The following DIXDC1 variants were observed in gnomAD, a reference collection of about 807,000 sequenced individuals.
DIXDC1 encodes the protein DIX domain containing 1, also known as dixin.
Under a neutral mutation model 103.1 loss-of-function variants are expected in DIXDC1, and 64 were observed. The ratio of observed to expected loss-of-function variants is 0.62; its 90% CI spans 0.51 to 0.76. DIXDC1 has a LOEUF of 0.76. Among genes scored for constraint, DIXDC1 ranks in the 30% least tolerant of loss-of-function variants. The probability of loss-of-function intolerance (pLI) is 0.00; values close to 1 mark genes in which losing one functional copy is unlikely to be tolerated. For synonymous variants in DIXDC1, 266 were observed against 298.5 expected, an observed-to-expected ratio of 0.89 and a Z score of 1.12; for missense variants, 759 against 834.2, an observed-to-expected ratio of 0.91 and a Z score of 1.11.
chr11:111,941,169 T>C (rs1555168809), intron 1 of DIXDC1, among the ~76,000 whole-genome samples: 1 of 152,194 alleles, frequency 6.6e-6, no homozygotes, highest in East Asian at 1.9e-4. Context: ...TAATCCCAGC[T>C]ACTCGGGAGG....
chr11:111,952,345 A>G (rs184446295), intron 1 of DIXDC1, among the ~76,000 whole-genome samples: 551 of 152,354 alleles, frequency 3.6e-3, no homozygotes, highest in Non-Finnish European at 6.2e-3. Context: ...AGGAAGTTAG[A>G]CAAATTGACA....
At chr11:111,956,720 C>T (rs587674954) in intron 1 of DIXDC1, among the ~76,000 whole-genome samples, 70 of 152,236 alleles carry the variant, frequency 4.6e-4, no homozygotes, top group Non-Finnish European at 7.8e-4. Flanking sequence ...GAACTCCTGA[C>T]CTCAAGTGAT....
chr11:111,971,899 T>C (rs1367577853), intron 3 of DIXDC1, among the ~76,000 whole-genome samples: 1 of 152,122 alleles, frequency 6.6e-6, no homozygotes, highest in Non-Finnish European at 1.5e-5. Flanking sequence ...TTCTTACTTA[T>C]AATTGGGAAC....
chr11:111,953,648 AAAT>A (rs1966855174), intron 1 of DIXDC1, among the ~76,000 whole-genome samples: 1 of 152,144 alleles, frequency 6.6e-6, no homozygotes, highest in African/African-American at 2.4e-5. Context: ...ATCAATCAAT[AAAT>A]AAAATCAACC....
intron 17 of DIXDC1, among the ~76,000 whole-genome samples, chr11:112,001,292 G>T (rs1024697401): frequency 6.6e-6 from 1 of 152,214 alleles, no homozygotes; most frequent in Non-Finnish European, 1.5e-5. Flanking sequence ...AGATGCCAGG[G>T]TCAGGAGCGA....
At chr11:112,018,531 G>T (rs1861665661) in intron 19 of DIXDC1, among the ~76,000 whole-genome samples, 1 of 152,184 alleles carries the variant, frequency 6.6e-6, no homozygotes, top group Non-Finnish European at 1.5e-5. Flanking sequence ...TAGTGGCTTA[G>T]GAAATGAGTT....
rs781983472 is a variant in DIXDC1, at chr11:111,974,946, G to T, written c.619G>T (p.Gly207Trp). The T allele has an allele frequency of 1.2e-6, 2 of 1,613,328 alleles. No homozygotes were observed. Among genetic ancestry groups the T allele is most frequent in the Non-Finnish European group, 1.7e-6 (2 of 1,179,742 alleles). Residue 207 changes from glycine (G) to tryptophan (W), a missense_variant, in exon 5 of 20, where the codon GGG becomes TGG. This residue lies in a region of DIXDC1 where 657 missense variants were observed against 727.5 expected (regional missense o/e 0.90). Transcript: ENST00000440460. The stretch of plus-strand genomic sequence containing the variant: ...GCGGGCCCTAGTGCAGCAGTACGAA[G>T]GGCAACAAAGGTCCCCGTCTGAATC... ...SVRALVQQYE[G>W]QQRSPSESSC...
chr11:111,955,936 G>T (rs1859342334), intron 1 of DIXDC1, among the ~76,000 whole-genome samples: 1 of 148,318 alleles, frequency 6.7e-6, no homozygotes, highest in South Asian at 2.1e-4. Flanking sequence ...CAACTCAAGA[G>T]CCCATCAACT....
intron 17 of DIXDC1, among the ~76,000 whole-genome samples, chr11:111,996,502 T>G (rs587675065): frequency 2.6e-5 from 4 of 152,338 alleles, no homozygotes; most frequent in African/African-American, 7.2e-5. Flanking sequence ...CAAAAAAAAT[T>G]TCCACTTCTT....
At chr11:111,999,890 C>CT (rs1416781936) in intron 17 of DIXDC1, among the ~76,000 whole-genome samples, 2 of 152,044 alleles carry the variant, frequency 1.3e-5, no homozygotes, top group African/African-American at 4.8e-5. Context: ...AATCCCAGCA[C>CT]TTTGGGAGGC....
intron 17 of DIXDC1, among the ~76,000 whole-genome samples, chr11:112,009,264 T>C (rs587647035): frequency 1.3e-5 from 2 of 152,106 alleles, no homozygotes; most frequent in African/African-American, 4.8e-5. Context: ...CAGGAAGAAG[T>C]TGAATCTCTG....
chr11:112,011,658 A>G (rs932587218), intron 17 of DIXDC1, among the ~76,000 whole-genome samples: 2 of 152,218 alleles, frequency 1.3e-5, no homozygotes, highest in Non-Finnish European at 2.9e-5. Flanking sequence ...TTGCAGGGAC[A>G]TGGATGAAAC....
upstream of DIXDC1, chr11:111,937,289 C>G: frequency 1.5e-6 from 2 of 1,327,972 alleles, no homozygotes; most frequent in Non-Finnish European, 9.6e-7. Context: ...ACCGCGACCG[C>G]GCCGGGCCCC....
At chr11:112,009,159 T>G (rs1861333182) in intron 17 of DIXDC1, among the ~76,000 whole-genome samples, 2 of 152,236 alleles carry the variant, frequency 1.3e-5, no homozygotes, top group South Asian at 2.1e-4. Flanking sequence ...CAAACTACCA[T>G]CAGAGAATAC....
chr11:111,960,209 G>A (rs992415807), intron 1 of DIXDC1, among the ~76,000 whole-genome samples: 8 of 151,680 alleles, frequency 5.3e-5, no homozygotes, highest in South Asian at 2.1e-4. Flanking sequence ...TGTGCCCGGC[G>A]AAATACAGCA....
chr11:111,992,562 G>A, intron 11 of DIXDC1, 43 bp downstream of exon 11: 1 of 1,496,006 alleles, frequency 6.7e-7, no homozygotes, highest in East Asian at 2.5e-5. Context: ...AGCCCCATTA[G>A]CAGAACAGGC....
chr11:112,002,121 C>T (rs587701192), intron 17 of DIXDC1, among the ~76,000 whole-genome samples: 8 of 152,096 alleles, frequency 5.3e-5, no homozygotes, highest in African/African-American at 1.4e-4. Context: ...GCCACAGACA[C>T]GAGGAATTTG....
At chr11:111,960,771 A>C (rs1290427683) in intron 1 of DIXDC1, among the ~76,000 whole-genome samples, 3 of 152,108 alleles carry the variant, frequency 2.0e-5, no homozygotes, top group Non-Finnish European at 4.4e-5. Context: ...CCTAGACATT[A>C]GTATTTTTTG....
chr11:111,991,377 T>A (rs376941656), intron 10 of DIXDC1, among the ~76,000 whole-genome samples: 3 of 152,206 alleles, frequency 2.0e-5, no homozygotes, highest in African/African-American at 4.8e-5. Context: ...CACATTAATG[T>A]CCCATGGAGC....
Sources: gnomAD v4.1 joint callset for allele counts (sites outside exome capture counted in the v4.1 genomes callset) on GRCh38, gnomAD v4.1.1 for gene constraint, gnomAD v4.1.1 regional missense constraint, MANE v1.5 for transcripts, NCBI Gene and HGNC (gene_info 2026-07-23, HGNC 2026-07-21) for gene names.